CACNB2: variants seen among roughly 807,000 people sequenced by gnomAD.
The protein encoded by CACNB2 is voltage-dependent L-type calcium channel subunit beta-2.
A neutral mutation model predicts 73.3 loss-of-function variants in CACNB2; 42 were observed. The observed-to-expected ratio is 0.57, with a 90% CI of 0.45 to 0.74. The LOEUF (loss-of-function observed/expected upper bound fraction) is 0.74. Ranked by LOEUF, CACNB2 falls within the 30% of genes least tolerant of loss-of-function variation. The pLI, the probability that CACNB2 is intolerant of heterozygous loss-of-function variation, is 0.00. For synonymous variants in CACNB2, 348 were observed against 310.3 expected, an observed-to-expected ratio of 1.12 and a Z score of -1.28; for missense variants, 940 against 853.0, an observed-to-expected ratio of 1.10 and a Z score of -1.27.
At chr10:18,538,947 G>C (rs1229034894) in intron 13 of CACNB2, among the ~76,000 whole-genome samples, 2 of 150,708 alleles carry the variant, frequency 1.3e-5, no homozygotes, top group African/African-American at 4.9e-5. Flanking sequence ...TGAGCCACAG[G>C]AGAATAAATA....
intron 2 of CACNB2, among the ~76,000 whole-genome samples, chr10:18,359,871 TTTATGC>T (rs1674274341): frequency 6.6e-6 from 1 of 152,198 alleles, no homozygotes; most frequent in African/African-American, 2.4e-5. Flanking sequence ...AAGATTAACT[TTTATGC>T]TTATGCTTAT....
intron 2 of CACNB2, among the ~76,000 whole-genome samples, chr10:18,275,576 T>G (rs897465735): frequency 1.3e-5 from 2 of 152,150 alleles, no homozygotes; most frequent in Non-Finnish European, 2.9e-5. Context: ...GTAATGAACC[T>G]GCACATCCTG....
intron 7 of CACNB2, 34 bp from the exon 8 acceptor site, chr10:18,518,302 G>T: frequency 7.0e-7 from 1 of 1,437,022 alleles, no homozygotes. Flanking sequence ...CTACCTGCCT[G>T]TGAAACGTCT....
chr10:18,172,016 T>C (rs2033278447), intron 2 of CACNB2, among the ~76,000 whole-genome samples: 1 of 151,972 alleles, frequency 6.6e-6, no homozygotes, highest in Non-Finnish European at 1.5e-5. Flanking sequence ...ACTAAGAAGG[T>C]AGAAAGTCTA....
chr10:18,382,016 A>G (rs1377094154), intron 2 of CACNB2, among the ~76,000 whole-genome samples: 1 of 152,084 alleles, frequency 6.6e-6, no homozygotes, highest in Non-Finnish European at 1.5e-5. Context: ...TTACATTAGA[A>G]TGAGACTTTT....
intron 2 of CACNB2, among the ~76,000 whole-genome samples, chr10:18,202,083 C>T (rs2034905929): frequency 6.6e-6 from 1 of 152,114 alleles, no homozygotes; most frequent in African/African-American, 2.4e-5. Flanking sequence ...TAGACAGTTC[C>T]CTATTTTGGT....
intron 2 of CACNB2, among the ~76,000 whole-genome samples, chr10:18,199,555 G>A (rs1166086437): frequency 6.6e-6 from 1 of 152,136 alleles, no homozygotes; most frequent in Non-Finnish European, 1.5e-5. Flanking sequence ...TGGTTGGAGT[G>A]CACTGATGGA....
At chr10:18,158,032 T>G (rs2032186500) in intron 2 of CACNB2, among the ~76,000 whole-genome samples, 1 of 152,220 alleles carries the variant, frequency 6.6e-6, no homozygotes, top group African/African-American at 2.4e-5. Flanking sequence ...AAAGTGGAAC[T>G]GGAATTGGAG....
chr10:18,261,495 AT>A (rs1302410643), intron 2 of CACNB2, among the ~76,000 whole-genome samples: 1 of 151,970 alleles, frequency 6.6e-6, no homozygotes, highest in Non-Finnish European at 1.5e-5. Context: ...TGAGATATTT[AT>A]TTTTTCCCAG....
intron 3 of CACNB2, among the ~76,000 whole-genome samples, chr10:18,451,882 T>C (rs906989883): frequency 6.6e-6 from 1 of 152,230 alleles, no homozygotes; most frequent in African/African-American, 2.4e-5. Context: ...GATAGGGCTC[T>C]ATTTATGATG....
At chr10:18,399,104 C>G (rs954183950) in intron 2 of CACNB2, among the ~76,000 whole-genome samples, 1 of 152,098 alleles carries the variant, frequency 6.6e-6, no homozygotes, top group African/African-American at 2.4e-5. Flanking sequence ...GAAGCTTTGT[C>G]TTTTCATTGA....
chr10:18,265,724 G>A (rs2037768546), intron 2 of CACNB2, among the ~76,000 whole-genome samples: 1 of 144,770 alleles, frequency 6.9e-6, no homozygotes, highest in African/African-American at 2.5e-5. Flanking sequence ...CAGGATAATA[G>A]TAAAATTTCA....
At chr10:18,205,814 C>T (rs1298895377) in intron 2 of CACNB2, among the ~76,000 whole-genome samples, 1 of 152,104 alleles carries the variant, frequency 6.6e-6, no homozygotes, top group Non-Finnish European at 1.5e-5. Flanking sequence ...TGATTTAGAT[C>T]AGAAGTCAAG....
intron 3 of CACNB2, among the ~76,000 whole-genome samples, chr10:18,414,678 T>C (rs2044840335): frequency 6.6e-6 from 1 of 151,896 alleles, no homozygotes; most frequent in African/African-American, 2.4e-5. Context: ...AAAAATGGGG[T>C]TTCACCAGGT....
At chr10:18,360,575 T>C (rs2042102236) in intron 2 of CACNB2, among the ~76,000 whole-genome samples, 1 of 152,196 alleles carries the variant, frequency 6.6e-6, no homozygotes. Flanking sequence ...AATTCACTTA[T>C]CACTCACAAG....
At position 18,418,330 on chromosome 10, in the gene CACNB2, A is replaced by G. The variant is rs188002697; in HGVS notation, c.333+16287A>G. The stretch of plus-strand genomic sequence containing the variant: ...CCTCGTGATCCACCCGCCTTACTAA[A>G]CTCCATTTTTAAGGAAGGAAAATGA... On this transcript the variant is annotated intron_variant, in intron 3 of 13. Transcript: ENST00000324631. 2.3e-3 allele frequency among the ~76,000 whole-genome samples: 354 copies of G among 152,010 alleles called. 1 individual carries two copies. Among genetic ancestry groups the G allele is most frequent in the African/African-American group, 7.8e-3 (324 of 41,418 alleles).
intron 2 of CACNB2, among the ~76,000 whole-genome samples, chr10:18,397,319 G>T (rs1204704252): frequency 2.0e-5 from 3 of 152,044 alleles, no homozygotes; most frequent in African/African-American, 7.2e-5. Flanking sequence ...ACAAAAATTA[G>T]CCGGGCCTGG....
chr10:18,363,409 C>A (rs550490469), intron 2 of CACNB2, among the ~76,000 whole-genome samples: 3 of 152,184 alleles, frequency 2.0e-5, no homozygotes, highest in Admixed American at 2.0e-4. Flanking sequence ...GAAATCCTGT[C>A]GCCCCATGGG....
At chr10:18,450,161 A>G (rs959710692) in intron 3 of CACNB2, among the ~76,000 whole-genome samples, 4 of 152,202 alleles carry the variant, frequency 2.6e-5, no homozygotes, top group Non-Finnish European at 5.9e-5. Context: ...CAGCTTAAAG[A>G]ATAAACGGTA....
Sources: allele counts gnomAD v4.1 joint callset (sites outside exome capture counted in the v4.1 genomes callset), GRCh38; gene constraint gnomAD v4.1.1; transcripts MANE v1.5; gene names NCBI Gene and HGNC (gene_info 2026-07-23, HGNC 2026-07-21).